NLGN4X: variants seen among roughly 807,000 people sequenced by gnomAD.
NLGN4X encodes the protein neuroligin-4, X-linked.
A neutral mutation model predicts 40.3 loss-of-function variants in NLGN4X; 3 were observed. That is an observed-to-expected ratio of 0.07 (90% CI 0.03 to 0.19). The LOEUF is 0.19. NLGN4X is among the 10% of genes least tolerant of loss of function. NLGN4X has a pLI of 1.00. For synonymous variants in NLGN4X, 270 were observed against 306.8 expected (o/e 0.88, Z 1.25); for missense variants, 382 against 708.3 (o/e 0.54, Z 5.23).
At chrX:6,211,268 A>G (rs775263507) in intron 1 of NLGN4X, among the ~76,000 whole-genome samples, 1 of 112,067 alleles carries the variant, frequency 8.9e-6, no homozygotes, top group South Asian at 3.7e-4. Context: ...AAAATAAGCA[A>G]TGCCCCTATA....
rs769193619 is a variant in NLGN4X at position 5,892,025 on chromosome X, T to C, written c.*792A>G. On this transcript the variant is annotated 3_prime_UTR_variant, in exon 6 of 6. Transcript: ENST00000381095. ...TGTTGGGGAGGAAACAGAGGTGATA[T>C]GACTAATGTGTGTGTGTGTGTGTAT... The C allele has an allele frequency of 1.4e-4, 19 of 132,199 alleles. No homozygotes were observed. The highest frequency in any genetic ancestry group is 2.5e-4 in the Non-Finnish European group (17 of 68,128). 10.9% of individuals were successfully genotyped at this position (132,199 alleles called of 1,213,427 possible). A position where few individuals can be genotyped will look rare whatever the true frequency, so the allele number is the denominator to read the frequency against.
intron 3 of NLGN4X, among the ~76,000 whole-genome samples, chrX:5,925,855 T>C (rs867763422): frequency 5.9e-4 from 33 of 56,326 alleles, no homozygotes; most frequent in African/African-American, 1.0e-3. Context: ...CATACACATA[T>C]ATATATATAT....
chrX:6,000,446 A>G (rs1264383696), intron 3 of NLGN4X, among the ~76,000 whole-genome samples: 1 of 111,658 alleles, frequency 9.0e-6, no homozygotes, highest in Non-Finnish European at 1.9e-5. Context: ...AGTTACTCAC[A>G]AAAGAGAAAA....
chrX:5,996,411 G>T (rs1302421179), intron 3 of NLGN4X, among the ~76,000 whole-genome samples: 2 of 111,503 alleles, frequency 1.8e-5, no homozygotes, highest in East Asian at 5.7e-4. Flanking sequence ...GTCACCTAGG[G>T]ACTGCAAGAT....
intron 1 of NLGN4X, among the ~76,000 whole-genome samples, chrX:6,195,842 T>G (rs774972000): frequency 7.2e-5 from 8 of 110,927 alleles, no homozygotes; most frequent in African/African-American, 2.6e-4. Context: ...AGGCTGGAAT[T>G]CAATGGCACG....
intron 3 of NLGN4X, among the ~76,000 whole-genome samples, chrX:6,023,586 G>T (rs1405176166): frequency 8.9e-6 from 1 of 111,909 alleles, no homozygotes; most frequent in Non-Finnish European, 1.9e-5. Context: ...GTGATGCCAT[G>T]AGTAAATCCC....
chrX:6,092,817 T>TA (rs751046039), intron 2 of NLGN4X, among the ~76,000 whole-genome samples: 1 of 109,939 alleles, frequency 9.1e-6, no homozygotes, highest in Non-Finnish European at 1.9e-5. Context: ...GAAAAGACAA[T>TA]AAAAAAAGAT....
chrX:6,160,125 T>C (rs1005020156), intron 1 of NLGN4X, among the ~76,000 whole-genome samples: 3 of 111,363 alleles, frequency 2.7e-5, no homozygotes, highest in Non-Finnish European at 5.6e-5. Context: ...ATTTACTGTA[T>C]ATTTTTAAAT....
chrX:6,145,164 C>A (rs1442619301), intron 2 of NLGN4X, among the ~76,000 whole-genome samples: 1 of 111,489 alleles, frequency 9.0e-6, no homozygotes, highest in East Asian at 2.8e-4. Context: ...ACAAGAACAG[C>A]CCAGTTTTAT....
At chrX:5,963,121 T>G (rs2034716823) in intron 3 of NLGN4X, among the ~76,000 whole-genome samples, 1 of 109,835 alleles carries the variant, frequency 9.1e-6, no homozygotes, top group Non-Finnish European at 1.9e-5. Context: ...TACGTTGCCA[T>G]GAATAGACCT....
At chrX:5,948,757 C>T (rs1230956523) in intron 3 of NLGN4X, among the ~76,000 whole-genome samples, 1 of 111,989 alleles carries the variant, frequency 8.9e-6, no homozygotes, top group Admixed American at 9.5e-5. Context: ...ACAAACATGC[C>T]CATAATGTGG....
chrX:6,175,585 G>A (rs1302683273), intron 1 of NLGN4X, among the ~76,000 whole-genome samples: 2 of 102,228 alleles, frequency 2.0e-5, no homozygotes, highest in African/African-American at 7.3e-5. Flanking sequence ...GTGAGGGCTA[G>A]GATATGGGAT....
chrX:6,227,316 C>G (rs985237808), intron 1 of NLGN4X: 1 of 109,541 alleles, frequency 9.1e-6, no homozygotes, highest in African/African-American at 3.3e-5. Flanking sequence ...GGACCGTGCG[C>G]CCCGCAGGCT....
Position 6,133,019 on chromosome X carries a change from A to G in NLGN4X, c.472+17976T>C, listed in dbSNP as rs185548491. ...GAGTCTGGGGGAGCAACTGAGATTG[A>G]CGCATAGAAACAGACCATCACCACA... On this transcript the variant is annotated intron_variant, in intron 2 of 5. Coordinates refer to ENST00000381095, the MANE Select transcript of NLGN4X (RefSeq NM_181332.3). 3.1e-3 allele frequency among the ~76,000 whole-genome samples: 352 copies of G among 111,750 alleles called. 2 individuals are homozygous for G. Among genetic ancestry groups the G allele is most frequent in the Non-Finnish European group, 6.0e-3 (320 of 53,158 alleles).
intron 3 of NLGN4X, among the ~76,000 whole-genome samples, chrX:5,946,124 T>C (rs1273411366): frequency 9.0e-6 from 1 of 111,585 alleles, no homozygotes; most frequent in Non-Finnish European, 1.9e-5. Context: ...CTCTTTGTCA[T>C]GGGGGGCTGT....
chrX:5,958,167 G>A (rs2034556018), intron 3 of NLGN4X, among the ~76,000 whole-genome samples: 1 of 111,286 alleles, frequency 9.0e-6, no homozygotes, highest in Non-Finnish European at 1.9e-5. Flanking sequence ...TGTTGATGGG[G>A]GAAGGCAGGG....
At chrX:6,029,229 G>A (rs1344629098) in intron 3 of NLGN4X, 51 bp downstream of exon 3, 1 of 1,185,193 alleles carries the variant, frequency 8.4e-7, no homozygotes, top group Admixed American at 2.2e-5. Flanking sequence ...ACGAGAAGTG[G>A]ACTTTTCATG....
At chrX:5,921,133 T>TTATATATATATATACATATATATATATA (rs1555919724) in intron 3 of NLGN4X, among the ~76,000 whole-genome samples, 25 of 65,003 alleles carry the variant, frequency 3.8e-4, no homozygotes, top group African/African-American at 1.6e-3. Context: ...TAAGTATTTT[T>TTATATATATATATACATATATATATATA]TATATATATA....
rs771991034 is a variant in NLGN4X at position 5,903,652 on chromosome X, C to T, written c.1026G>A (p.Pro342=). The T allele has an allele frequency of 5.8e-6, 7 of 1,211,910 alleles. No homozygotes were observed. Among genetic ancestry groups the T allele is most frequent in the Admixed American group, 2.2e-5 (1 of 46,079 alleles). The change falls in exon 5 of 6, where the codon CCG becomes CCA. Residue 342 remains proline, a synonymous_variant. Transcript: ENST00000381095. ...TPATYHIAFG[P]VIDGDVIPDD... ...CTGGGATGACGTCGCCGTCGATCAC[C>T]GGCCCGAAGGCTATGTGGTAGGTGG...
Sources: gnomAD v4.1 joint callset for allele counts (sites outside exome capture counted in the v4.1 genomes callset) on GRCh38, gnomAD v4.1.1 for gene constraint, MANE v1.5 for transcripts, NCBI Gene and HGNC (gene_info 2026-07-23, HGNC 2026-07-21) for gene names.